The following WFDC3 variants were observed in gnomAD, a reference collection of about 807,000 sequenced individuals.
WFDC3 encodes WAP four-disulfide core domain 3.
Under a neutral mutation model 25.8 loss-of-function variants are expected in WFDC3, and 15 were observed. That is an observed-to-expected ratio of 0.58 (90% CI 0.39 to 0.89). The LOEUF (loss-of-function observed/expected upper bound fraction) is 0.89, where lower values mean the gene tolerates loss of function less well. Among genes scored for constraint, WFDC3 ranks in the 40% least tolerant of loss-of-function variants. The probability of loss-of-function intolerance (pLI) is 0.00; values close to 1 mark genes in which losing one functional copy is unlikely to be tolerated. For synonymous variants in WFDC3, 103 were observed against 107.1 expected (o/e 0.96, Z 0.24); for missense variants, 264 against 289.8 (o/e 0.91, Z 0.65).
At chr20:45,781,552 G>A (rs1418505336) in intron 4 of WFDC3, among the ~76,000 whole-genome samples, 1 of 152,180 alleles carries the variant, frequency 6.6e-6, no homozygotes, top group African/African-American at 2.4e-5. Flanking sequence ...AAAGTCCAGA[G>A]GAAATCAGGT....
At chr20:45,789,147 C>A in intron 2 of WFDC3, 88 bp from the exon 3 acceptor site, 1 of 1,537,768 alleles carries the variant, frequency 6.5e-7, no homozygotes, top group Non-Finnish European at 8.8e-7. Flanking sequence ...CATCTCTATC[C>A]AAAATATTTC....
At chr20:45,775,713 C>T in intron 5 of WFDC3, 111 bp from the exon 6 acceptor site, 1 of 1,362,218 alleles carries the variant, frequency 7.3e-7, no homozygotes, top group Non-Finnish European at 1.0e-6. Context: ...CCCTGACCCT[C>T]ACTAGACCCA....
At position 45,789,850 on chromosome 20, in the gene WFDC3, C is replaced by T. The variant is rs780698346; in HGVS notation, c.82+44G>A. Reference sequence around the variant, plus strand: ...GGGATGAGTTCTCCTCTCCTCTAGTCACTTTCTGTTACTGTTGGCCAGGGA... The same window carrying T: ...GGGATGAGTTCTCCTCTCCTCTAGTTACTTTCTGTTACTGTTGGCCAGGGA... On this transcript the variant is annotated intron_variant, in intron 2 of 6. Transcript: ENST00000243938. 113 of 1,571,376 alleles carry T rather than the reference C, an allele frequency of 7.2e-5. 1 individual carries two copies. The South Asian group carries it at 1.2e-3, about 17-fold the overall frequency.
At chr20:45,776,635 A>AAAAT (rs1555812766) in intron 5 of WFDC3, among the ~76,000 whole-genome samples, 40 of 92,920 alleles carry the variant, frequency 4.3e-4, no homozygotes, top group African/African-American at 1.5e-3. Context: ...AAAAAAAAAA[A>AAAAT]ATATATATAT....
intron 4 of WFDC3, among the ~76,000 whole-genome samples, chr20:45,786,538 C>G (rs1188786483): frequency 2.0e-5 from 3 of 152,174 alleles, no homozygotes; most frequent in African/African-American, 7.2e-5. Flanking sequence ...TGCCATGAGA[C>G]TATGAGCTCC....
At chr20:45,789,720 G>A (rs1980859506) in intron 2 of WFDC3, among the ~76,000 whole-genome samples, 174 bp downstream of exon 2, 1 of 152,048 alleles carries the variant, frequency 6.6e-6, no homozygotes, top group Admixed American at 6.6e-5. Context: ...GGTAAAGAAA[G>A]CCAGGAAGAA....
chr20:45,781,577 G>A (rs1425688617), intron 4 of WFDC3, among the ~76,000 whole-genome samples: 1 of 152,212 alleles, frequency 6.6e-6, no homozygotes, highest in African/African-American at 2.4e-5. Context: ...ATTTTCAAGA[G>A]TCCTCCCGGT....
intron 2 of WFDC3, 42 bp from the exon 3 acceptor site, chr20:45,789,101 C>A (rs750468791): frequency 1.2e-6 from 2 of 1,608,006 alleles, no homozygotes; most frequent in Non-Finnish European, 8.5e-7. Context: ...CTAGCCAGGC[C>A]TCAGAAATGG....
intron 1 of WFDC3, chr20:45,791,014 C>T (rs1980946349): frequency 2.2e-6 from 1 of 461,586 alleles, no homozygotes; most frequent in Non-Finnish European, 4.4e-6. Flanking sequence ...CTAATGGTGT[C>T]CACTGGCACT....
intron 5 of WFDC3, among the ~76,000 whole-genome samples, chr20:45,776,607 AAAAAAGAAAAAAAAG>A (rs1476863691): frequency 0.025 from 1,269 of 50,730 alleles, 7 homozygotes; most frequent in Non-Finnish European, 0.033. Flanking sequence ...CAAAAAAAAA[AAAAAAGAAAAAAAAG>A]AAAAAAAAAA....
Position 45,783,705 on chromosome 20 carries a change from C to CTGTGGG in WFDC3, c.358+4130_358+4131insCCCACA, listed in dbSNP as rs1568699975. Among the ~76,000 whole-genome samples, 10 of 152,062 alleles carry CTGTGGG rather than the reference C, an allele frequency of 6.6e-5. No individual in the cohort carries two copies. The East Asian group carries it at 9.8e-4, about 15-fold the overall frequency. On this transcript the variant is annotated intron_variant, in intron 4 of 6. Coordinates refer to ENST00000243938, the MANE Select transcript of WFDC3 (RefSeq NM_080614.2). ...AATGTCTGCCCTTGCCCTCAGGCAA[C>CTGTGGG]CTGACTGAACCTCCACTTTGCCAAA...
Position 45,778,854 on chromosome 20 carries a change from A to G in WFDC3, c.359-1645T>C, listed in dbSNP as rs561203979. On this transcript the variant is annotated intron_variant, in intron 4 of 6. Transcript: ENST00000243938. Reference sequence around the variant, plus strand: ...AAATAAATAATAAAATGTAAATGTAAAAAAAAAAAAAGAATTGCAAAGGAG... The same window carrying G: ...AAATAAATAATAAAATGTAAATGTAGAAAAAAAAAAAGAATTGCAAAGGAG... The G allele has an allele frequency of 5.4e-5, 8 of 148,894 alleles. No individual in the cohort carries two copies. In the South Asian group the frequency reaches 1.7e-3, roughly 31 times the overall value. 9.2% of individuals were successfully genotyped at this position (148,894 alleles called of 1,614,324 possible).
rs1980826676 is a variant in WFDC3 at position 45,789,166 on chromosome 20, T to C, written c.83-107A>G. ...TCTATCCAAAATATTTCTGCACCAC[T>C]GCACTCTAGCCTGGGTGACAGAATG... On this transcript the variant is annotated intron_variant, in intron 2 of 6. Transcript: ENST00000243938. 7.4e-5 allele frequency: 107 copies of C among 1,445,860 alleles called. 1 individual carries two copies. The South Asian group carries it at 1.3e-3, about 18-fold the overall frequency. The allele number at this position is 1,445,860 out of a possible 1,614,324, so 89.6% of individuals were successfully genotyped here. A position where few individuals can be genotyped will look rare whatever the true frequency, so the allele number is the denominator to read the frequency against.
Position 45,774,376 on chromosome 20 carries a change from G to C in WFDC3, c.*52C>G. 1 of 1,613,760 alleles carries C rather than the reference G, an allele frequency of 6.2e-7. No individual in the cohort carries two copies. The highest frequency in any genetic ancestry group is 8.5e-7 in the Non-Finnish European group (1 of 1,179,744). ...CCCAGGATGTCACCCTCTCTTGACT[G>C]CCAGGAAAAGCTTCCAGAATTACCA... On this transcript the variant is annotated 3_prime_UTR_variant, in exon 7 of 7. Coordinates refer to ENST00000243938, the MANE Select transcript of WFDC3 (RefSeq NM_080614.2).
rs111285666 is a variant in WFDC3 at position 45,774,537 on chromosome 20, T to C, written c.680-93A>G. On this transcript the variant is annotated intron_variant, in intron 6 of 6. Coordinates refer to ENST00000243938, the MANE Select transcript of WFDC3 (RefSeq NM_080614.2). ...CTCCACCCTAGGAAAGCTTGGCCTA[T>C]ATTGCTCTCAAAAGTCTTAAATAGC... 14 of 1,575,276 alleles carry C rather than the reference T, an allele frequency of 8.9e-6. No individual in the cohort carries two copies. In the African/African-American group the frequency reaches 9.5e-5, roughly 11 times the overall value.
intron 3 of WFDC3, chr20:45,788,253 G>A (rs886183157): frequency 6.0e-5 from 15 of 249,256 alleles, no homozygotes; most frequent in Admixed American, 2.2e-4. Context: ...GCGGTGAGCC[G>A]AGATCACGCC....
At chr20:45,786,466 G>T (rs1019899063) in intron 4 of WFDC3, among the ~76,000 whole-genome samples, 1 of 152,118 alleles carries the variant, frequency 6.6e-6, no homozygotes, top group Admixed American at 6.5e-5. Context: ...TTCCTTCCCT[G>T]TCCTTATCAG....
At chr20:45,775,365 C>A (rs1030651076) in intron 6 of WFDC3, 52 bp downstream of exon 6, 2 of 1,591,376 alleles carry the variant, frequency 1.3e-6, no homozygotes, top group Non-Finnish European at 8.6e-7. Context: ...TAAGCCAGTG[C>A]TTTGCACATA....
chr20:45,789,800 G>T, intron 2 of WFDC3, 94 bp downstream of exon 2: 2 of 1,137,446 alleles, frequency 1.8e-6, no homozygotes, highest in Non-Finnish European at 2.6e-6. Context: ...CCACTTACAA[G>T]CAACCTTGCT....
Sources: allele counts gnomAD v4.1 joint callset (sites outside exome capture counted in the v4.1 genomes callset), GRCh38; gene constraint gnomAD v4.1.1; transcripts MANE v1.5; gene names NCBI Gene and HGNC (gene_info 2026-07-23, HGNC 2026-07-21).